Variants in RBMS3 observed in about 807,000 individuals in gnomAD.
The protein encoded by RBMS3 is RNA binding motif single stranded interacting protein 3.
RBMS3 carries 27 observed loss-of-function variants against 66.8 expected under a neutral mutation model. That is an observed-to-expected ratio of 0.40 (90% CI 0.30 to 0.56). The LOEUF (loss-of-function observed/expected upper bound fraction) is 0.56. RBMS3 is among the 20% of genes least tolerant of loss of function. RBMS3 has a pLI of 0.40. For missense variants in RBMS3, 513 were observed against 549.5 expected (o/e 0.93, Z 0.66); for synonymous variants, 188 against 183.0 (o/e 1.03, Z -0.22).
intron 10 of RBMS3, among the ~76,000 whole-genome samples, chr3:29,901,708 A>G (rs1040716207): frequency 6.6e-6 from 1 of 151,802 alleles, no homozygotes. Context: ...CAGAGCTGAT[A>G]TCGTATCACC....
At chr3:29,829,553 G>A (rs535304011) in intron 6 of RBMS3, among the ~76,000 whole-genome samples, 35 of 152,170 alleles carry the variant, frequency 2.3e-4, no homozygotes, top group South Asian at 1.5e-3. Flanking sequence ...TCTTCAATAC[G>A]TAGTGGAATA....
At chr3:29,524,617 T>A (rs574170734) in intron 3 of RBMS3, among the ~76,000 whole-genome samples, 27 of 151,658 alleles carry the variant, frequency 1.8e-4, no homozygotes, top group African/African-American at 2.9e-4. Flanking sequence ...ATTTATTTAT[T>A]TTTTTTAGTA....
At chr3:29,951,456 CT>C in intron 12 of RBMS3, among the ~76,000 whole-genome samples, 1 of 149,266 alleles carries the variant, frequency 6.7e-6, no homozygotes, top group South Asian at 2.1e-4. Flanking sequence ...TAGCTTTTCT[CT>C]CCTTAAGAGT....
intron 3 of RBMS3, among the ~76,000 whole-genome samples, chr3:29,498,433 A>T (rs776575546): frequency 7.9e-5 from 12 of 152,184 alleles, no homozygotes; most frequent in Non-Finnish European, 1.5e-4. Flanking sequence ...ATTTAAAATG[A>T]TATACAAAAT....
At chr3:29,431,446 C>A (rs1480237528) in intron 1 of RBMS3, among the ~76,000 whole-genome samples, 3 of 151,892 alleles carry the variant, frequency 2.0e-5, no homozygotes, top group Non-Finnish European at 4.4e-5. Context: ...GCACATACCA[C>A]CATGCCCAGC....
intron 2 of RBMS3, among the ~76,000 whole-genome samples, chr3:29,451,452 T>C (rs138751657): frequency 1.0e-3 from 159 of 152,258 alleles, no homozygotes; most frequent in African/African-American, 3.7e-3. Context: ...CATCAGGAAA[T>C]GGTCCACAGA....
At chr3:29,681,518 G>A (rs1374512209) in intron 4 of RBMS3, among the ~76,000 whole-genome samples, 2 of 104,478 alleles carry the variant, frequency 1.9e-5, no homozygotes, top group African/African-American at 8.4e-5. Context: ...AATCCCCCCA[G>A]ACAGGCCCCA....
chr3:29,808,585 G>A (rs377077683), intron 6 of RBMS3, among the ~76,000 whole-genome samples: 181 of 152,084 alleles, frequency 1.2e-3, no homozygotes, highest in South Asian at 7.5e-3. Flanking sequence ...CTTCTGATCA[G>A]ATATTTAGTA....
chr3:29,532,240 ATATATGTATATATATATATATG>A (rs1253574789), intron 3 of RBMS3, among the ~76,000 whole-genome samples: 1,351 of 77,630 alleles, frequency 0.017, 24 homozygotes, highest in African/African-American at 0.045. Flanking sequence ...AATTTCGCAT[ATATATGTATATATATATATATG>A]TATATATATA....
intron 10 of RBMS3, among the ~76,000 whole-genome samples, chr3:29,916,070 C>A (rs1252311422): frequency 6.6e-6 from 1 of 151,982 alleles, no homozygotes; most frequent in Non-Finnish European, 1.5e-5. Flanking sequence ...CATGGTCAGG[C>A]ATATGATGAG....
At chr3:29,574,575 CA>C (rs916739282) in intron 3 of RBMS3, among the ~76,000 whole-genome samples, 1 of 151,968 alleles carries the variant, frequency 6.6e-6, no homozygotes, top group Non-Finnish European at 1.5e-5. Flanking sequence ...TATTGATAGG[CA>C]GGGACTTATT....
intron 12 of RBMS3, among the ~76,000 whole-genome samples, chr3:29,966,093 TA>T (rs1304508855): frequency 3.3e-5 from 5 of 152,222 alleles, no homozygotes; most frequent in African/African-American, 1.2e-4. Flanking sequence ...TCTATGTGCC[TA>T]TTTTTATATC....
chr3:29,834,124 C>T (rs2058443645), intron 6 of RBMS3, among the ~76,000 whole-genome samples: 1 of 151,948 alleles, frequency 6.6e-6, no homozygotes, highest in African/African-American at 2.4e-5. Context: ...TAAAGACTTT[C>T]CCAGACAAGA....
chr3:29,398,653 G>T (rs2039662938), intron 1 of RBMS3, among the ~76,000 whole-genome samples: 1 of 152,124 alleles, frequency 6.6e-6, no homozygotes, highest in South Asian at 2.1e-4. Context: ...AACTGTTGGT[G>T]ACCAGGATGT....
At chr3:29,969,066 TTA>T (rs1559848020) in intron 12 of RBMS3, among the ~76,000 whole-genome samples, 1 of 151,886 alleles carries the variant, frequency 6.6e-6, no homozygotes, top group African/African-American at 2.4e-5. Context: ...GTGAAAATAA[TTA>T]AAGTAATTAG....
intron 1 of RBMS3, among the ~76,000 whole-genome samples, chr3:29,426,713 C>T (rs1330762262): frequency 6.7e-6 from 1 of 149,722 alleles, no homozygotes; most frequent in Non-Finnish European, 1.5e-5. Context: ...TAGTGGCTTT[C>T]ATGTTTAAAA....
chr3:29,540,989 T>A (rs72855048), intron 3 of RBMS3, among the ~76,000 whole-genome samples: 1 of 152,140 alleles, frequency 6.6e-6, no homozygotes, highest in East Asian at 1.9e-4. Flanking sequence ...CAGCTAATCT[T>A]GTATTTGCCC....
intron 6 of RBMS3, among the ~76,000 whole-genome samples, chr3:29,833,527 A>G (rs2058426376): frequency 6.6e-6 from 1 of 152,174 alleles, no homozygotes; most frequent in Admixed American, 6.6e-5. Context: ...GGAGCTGAAG[A>G]ATGCATGAAT....
chr3:29,597,714 G>T (rs1174097142), intron 4 of RBMS3, among the ~76,000 whole-genome samples: 1 of 151,944 alleles, frequency 6.6e-6, no homozygotes, highest in Non-Finnish European at 1.5e-5. Context: ...AACAAAACCA[G>T]ACTTTTTTTC....
Sources: allele counts gnomAD v4.1 joint callset (sites outside exome capture counted in the v4.1 genomes callset), GRCh38; gene constraint gnomAD v4.1.1; transcripts MANE v1.5; gene names NCBI Gene and HGNC (gene_info 2026-07-23, HGNC 2026-07-21).